Variants in IL10RA observed in about 807,000 individuals in gnomAD.
The protein encoded by IL10RA is interleukin 10 receptor subunit alpha.
IL10RA carries 18 observed loss-of-function variants against 29.6 expected under a neutral mutation model. That is an observed-to-expected ratio of 0.61 (90% CI 0.42 to 0.90). The LOEUF (loss-of-function observed/expected upper bound fraction) is 0.90. Ranked by LOEUF, IL10RA falls within the 40% of genes least tolerant of loss-of-function variation. The probability of loss-of-function intolerance (pLI) is 0.00; values close to 1 mark genes in which losing one functional copy is unlikely to be tolerated. For synonymous variants in IL10RA, 292 were observed against 294.1 expected (o/e 0.99, Z 0.07); for missense variants, 634 against 716.6 (o/e 0.88, Z 1.32).
In IL10RA at chr11:118,001,086, T is replaced by G; in HGVS notation, c.*1445T>G. The G allele has an allele frequency of 2.2e-6, 1 of 454,178 alleles. No homozygotes were observed. The highest frequency in any genetic ancestry group is 4.4e-6 in the Non-Finnish European group (1 of 226,780). The allele number at this position is 454,178 out of a possible 1,614,324, so 28.1% of individuals were successfully genotyped here. A position where few individuals can be genotyped will look rare whatever the true frequency, so the allele number is the denominator to read the frequency against. ...GGAATCCAGCCATGACCCCCACCCC[T>G]CTGCCAAAGTACTCTTAGGTGCCAG... On this transcript the variant is annotated 3_prime_UTR_variant, in exon 7 of 7. Coordinates refer to ENST00000227752, the MANE Select transcript of IL10RA (RefSeq NM_001558.4).
chr11:118,001,176 CTTTA>C lies in IL10RA; in HGVS notation c.*1547_*1550del, dbSNP rs1166684048. ...GGATTCCTCAGGGTTCCCTTGAAAGCTTTATTTATTTATTTTGTTCATTTATTTA... is the reference window on the plus strand; with the variant it reads ...GGATTCCTCAGGGTTCCCTTGAAAGCTTTATTTATTTTGTTCATTTATTTA... On this transcript the variant is annotated 3_prime_UTR_variant, in exon 7 of 7. Transcript: ENST00000227752. 6.6e-6 allele frequency: 3 copies of C among 454,200 alleles called. No homozygotes were observed. The Admixed American group carries it at 7.0e-5, about 11-fold the overall frequency. The allele number at this position is 454,200 out of a possible 1,614,324, so 28.1% of individuals were successfully genotyped here. A position where few individuals can be genotyped will look rare whatever the true frequency, so the allele number is the denominator to read the frequency against.
In IL10RA at chr11:117,989,665, C is replaced by A. The variant is rs1390184671; in HGVS notation, c.367+45C>A. ...TTAGAACATGGCTCTGAAGTCCCTT[C>A]CAGCCAGGAACTCTAGTCTAGAGCT... On this transcript the variant is annotated intron_variant, in intron 3 of 6. Transcript: ENST00000227752. This position sits in a 1 kb window ranked among gnomAD's most constrained non-coding sequence, Gnocchi z 4.5. 1 of 1,579,792 alleles carries A rather than the reference C, an allele frequency of 6.3e-7. No homozygotes were observed. Among genetic ancestry groups the A allele is most frequent in the South Asian group, 1.1e-5 (1 of 89,754 alleles).
intron 3 of IL10RA, chr11:117,992,881 CAA>C: frequency 3.6e-6 from 1 of 280,066 alleles, no homozygotes; most frequent in South Asian, 3.8e-5. Context: ...AGAGGTGAGA[CAA>C]AGATCTATTT....
At position 117,999,351 on chromosome 11, in the gene IL10RA, G is replaced by A. The variant is rs1478824902; in HGVS notation, c.1447G>A (p.Asp483Asn). 7 of 1,614,092 alleles carry A rather than the reference G, an allele frequency of 4.3e-6. No individual in the cohort carries two copies. Among genetic ancestry groups the A allele is most frequent in the Non-Finnish European group, 5.9e-6 (7 of 1,180,058 alleles). Residue 483 changes from aspartate to asparagine, a missense_variant, in exon 7 of 7, where the codon GAT becomes AAT. By Grantham distance (23) the Asp-to-Asn change is conservative. Transcript: ENST00000227752. Reference protein sequence around the residue: ...LGPKFGRCLVDEAGLHPPALA... With the variant: ...LGPKFGRCLVNEAGLHPPALA... The stretch of plus-strand genomic sequence containing the variant: ...CCCCAAATTCGGGAGATGCCTGGTT[G>A]ATGAGGCAGGCTTGCATCCACCAGC...
chr11:117,993,449 T>C, intron 4 of IL10RA, 39 bp downstream of exon 4: 1 of 1,576,814 alleles, frequency 6.3e-7, no homozygotes, highest in Non-Finnish European at 8.7e-7. Flanking sequence ...AGAACTCCCT[T>C]GGCTTCCCTG....
intron 3 of IL10RA, among the ~76,000 whole-genome samples, chr11:117,992,033 C>T (rs902910199): frequency 6.6e-6 from 1 of 152,208 alleles, no homozygotes; most frequent in Non-Finnish European, 1.5e-5. Context: ...CTGGGCCGGG[C>T]CTCAGTTTCC....
rs751869208 is a variant in IL10RA, at chr11:117,999,720, A to C, written c.*79A>C. The stretch of plus-strand genomic sequence containing the variant: ...CCAGGAGGAGGGCCCCTGGGGCAGA[A>C]GTTAGGCACGAGGCAGTCTGGGCAC... On this transcript the variant is annotated 3_prime_UTR_variant, in exon 7 of 7. Transcript: ENST00000227752. 3.7e-6 allele frequency: 5 copies of C among 1,337,976 alleles called. No individual in the cohort carries two copies. The Admixed American group carries it at 8.5e-5, about 23-fold the overall frequency. The allele number at this position is 1,337,976 out of a possible 1,614,324, so 82.9% of individuals were successfully genotyped here. A position where few individuals can be genotyped will look rare whatever the true frequency, so the allele number is the denominator to read the frequency against.
In IL10RA at chr11:117,999,406, C is replaced by T. The variant is rs768629345; in HGVS notation, c.1502C>T (p.Pro501Leu). 9 of 1,614,216 alleles carry T rather than the reference C, an allele frequency of 5.6e-6. No homozygotes were observed. Among genetic ancestry groups the T allele is most frequent in the Non-Finnish European group, 6.8e-6 (8 of 1,180,044 alleles). Residue 501 changes from proline to leucine, a missense_variant, in exon 7 of 7, where the codon CCT becomes CTT. Transcript: ENST00000227752. ...GCCAAGGGCTATTTGAAACAGGATC[C>T]TCTAGAAATGACTCTGGCTTCCTCA... is the stretch of plus-strand genomic sequence containing the variant. Reference protein sequence around the residue: ...ALAKGYLKQDPLEMTLASSGA... With the variant: ...ALAKGYLKQDLLEMTLASSGA...
chr11:117,986,501 C>T lies in IL10RA; in HGVS notation c.34C>T (p.Leu12Phe). Residue 12 changes from leucine (L) to phenylalanine (F), a missense_variant, in exon 1 of 7, where the codon CTC becomes TTC. By Grantham distance (22) the Leu-to-Phe change is conservative. Coordinates refer to ENST00000227752, the MANE Select transcript of IL10RA (RefSeq NM_001558.4). ...LPCLVVLLAA[L>F]LSLRLGSDAH... Reference sequence around the variant, plus strand: ...GTGCCTCGTAGTGCTGCTGGCGGCGCTCCTCAGCCTCCGTCTTGGCTCAGA... The same window carrying T: ...GTGCCTCGTAGTGCTGCTGGCGGCGTTCCTCAGCCTCCGTCTTGGCTCAGA... 1 of 1,556,160 alleles carries T rather than the reference C, an allele frequency of 6.4e-7. No individual in the cohort carries two copies. The highest frequency in any genetic ancestry group is 1.2e-5 in the South Asian group (1 of 84,336).
intron 1 of IL10RA, 73 bp downstream of exon 1, chr11:117,986,607 T>A: frequency 6.5e-7 from 1 of 1,544,696 alleles, no homozygotes; most frequent in South Asian, 1.2e-5. Flanking sequence ...CTCCATCCAG[T>A]GGAGAGCCCT....
At position 117,999,824 on chromosome 11, in the gene IL10RA, A is replaced by C. The variant is rs1300046952; in HGVS notation, c.*183A>C. On this transcript the variant is annotated 3_prime_UTR_variant, in exon 7 of 7. Transcript: ENST00000227752. ...GGGTGTCTGGGGCAGGAGGAGGCCA[A>C]CTCACTGAACTAGTGCAGGGTATGT... The C allele has an allele frequency of 2.9e-6, 2 of 701,590 alleles. No homozygotes were observed. Among genetic ancestry groups the C allele is most frequent in the African/African-American group, 3.5e-5 (2 of 57,196 alleles). The allele number at this position is 701,590 out of a possible 1,614,324, so 43.5% of individuals were successfully genotyped here.
Position 118,000,769 on chromosome 11 carries a change from G to A in IL10RA, c.*1128G>A, listed in dbSNP as rs2058090627. 2.2e-6 allele frequency: 1 copy of A among 454,142 alleles called. No individual in the cohort carries two copies. Among genetic ancestry groups the A allele is most frequent in the Admixed American group, 2.3e-5 (1 of 42,558 alleles). The allele number at this position is 454,142 out of a possible 1,614,324, so 28.1% of individuals were successfully genotyped here. A position where few individuals can be genotyped will look rare whatever the true frequency, so the allele number is the denominator to read the frequency against. Reference sequence around the variant, plus strand: ...CTGGGTATTAGCCAAGCTGGTCCTGGGAGAATGCAGATACTGTCCGTGGAC... The same window carrying A: ...CTGGGTATTAGCCAAGCTGGTCCTGAGAGAATGCAGATACTGTCCGTGGAC... On this transcript the variant is annotated 3_prime_UTR_variant, in exon 7 of 7. Transcript: ENST00000227752.
chr11:117,994,393 G>A (rs1297799688), intron 5 of IL10RA, among the ~76,000 whole-genome samples: 1 of 152,174 alleles, frequency 6.6e-6, no homozygotes, highest in African/African-American at 2.4e-5. Flanking sequence ...CAGGTCTCTT[G>A]GATCTAGGGT....
At chr11:117,996,734 G>A (rs2058059443) in intron 6 of IL10RA, among the ~76,000 whole-genome samples, 1 of 152,208 alleles carries the variant, frequency 6.6e-6, no homozygotes, top group African/African-American at 2.4e-5. Flanking sequence ...GGGATTACAG[G>A]CATCTGCCAC....
In IL10RA at chr11:118,000,052, C is replaced by T. The variant is rs776353911; in HGVS notation, c.*411C>T. 1.3e-5 allele frequency: 6 copies of T among 461,294 alleles called. No individual in the cohort carries two copies. Among genetic ancestry groups the T allele is most frequent in the Admixed American group, 7.0e-5 (3 of 42,740 alleles). The allele number at this position is 461,294 out of a possible 1,614,324, so 28.6% of individuals were successfully genotyped here. A position where few individuals can be genotyped will look rare whatever the true frequency, so the allele number is the denominator to read the frequency against. ...CCCAGACCTCCCTGCTTAGGCCACT[C>T]GAGCATCAGAGCTTCCAGCAGGAGG... On this transcript the variant is annotated 3_prime_UTR_variant, in exon 7 of 7. Coordinates refer to ENST00000227752, the MANE Select transcript of IL10RA (RefSeq NM_001558.4).
At position 117,989,706 on chromosome 11, in the gene IL10RA, A is replaced by G. The variant is rs2134983645; in HGVS notation, c.367+86A>G. ...GTCTAGAGCTTTTCTGTCTATTACC[A>G]TAGCTCACCATGTCTGCCAGCCTCC... On this transcript the variant is annotated intron_variant, in intron 3 of 6. Transcript: ENST00000227752. This position sits in a 1 kb window ranked among gnomAD's most constrained non-coding sequence, Gnocchi z 4.5. 1.5e-6 allele frequency: 2 copies of G among 1,335,420 alleles called. No individual in the cohort carries two copies. The highest frequency in any genetic ancestry group is 2.4e-5 in the East Asian group (1 of 41,204). The allele number at this position is 1,335,420 out of a possible 1,614,324, so 82.7% of individuals were successfully genotyped here.
intron 4 of IL10RA, 97 bp downstream of exon 4, chr11:117,993,507 T>G (rs2058037820): frequency 2.7e-6 from 3 of 1,112,866 alleles, no homozygotes; most frequent in Non-Finnish European, 4.1e-6. Flanking sequence ...ACTTTGCTTA[T>G]GGACTAAAGG....
Position 117,999,450 on chromosome 11 carries a change from T to G in IL10RA, c.1546T>G (p.Trp516Gly). ...LASSGAPTGQWNQPTEEWSLL... is the reference protein window; with the variant it reads ...LASSGAPTGQGNQPTEEWSLL... ...TTCCTCAGGGGCCCCAACGGGACAG[T>G]GGAACCAGCCCACTGAGGAATGGTC... Residue 516 changes from tryptophan to glycine, a missense_variant, in exon 7 of 7, where the codon TGG becomes GGG. By Grantham distance (184) the Trp-to-Gly change is radical. Transcript: ENST00000227752. 6.2e-7 allele frequency: 1 copy of G among 1,614,156 alleles called. No individual in the cohort carries two copies. Among genetic ancestry groups the G allele is most frequent in the Non-Finnish European group, 8.5e-7 (1 of 1,179,984 alleles).
chr11:118,000,053 G>C lies in IL10RA; in HGVS notation c.*412G>C, dbSNP rs938210911. The C allele has an allele frequency of 2.2e-6, 1 of 461,036 alleles. No homozygotes were observed. Among genetic ancestry groups the C allele is most frequent in the Admixed American group, 2.3e-5 (1 of 42,710 alleles). The allele number at this position is 461,036 out of a possible 1,614,324, so 28.6% of individuals were successfully genotyped here. A position where few individuals can be genotyped will look rare whatever the true frequency, so the allele number is the denominator to read the frequency against. On this transcript the variant is annotated 3_prime_UTR_variant, in exon 7 of 7. Coordinates refer to ENST00000227752, the MANE Select transcript of IL10RA (RefSeq NM_001558.4). ...CCAGACCTCCCTGCTTAGGCCACTCGAGCATCAGAGCTTCCAGCAGGAGGA... is the reference window on the plus strand; with the variant it reads ...CCAGACCTCCCTGCTTAGGCCACTCCAGCATCAGAGCTTCCAGCAGGAGGA...
Sources: gnomAD v4.1 joint callset for allele counts (sites outside exome capture counted in the v4.1 genomes callset) on GRCh38, gnomAD v4.1.1 for gene constraint, Gnocchi (gnomAD v3.1) non-coding constraint, MANE v1.5 for transcripts, NCBI Gene and HGNC (gene_info 2026-07-23, HGNC 2026-07-21) for gene names.